The following BTBD9 variants were observed in gnomAD, a reference collection of about 807,000 sequenced individuals.
The protein encoded by BTBD9 is BTB/POZ domain-containing protein 9.
Under a neutral mutation model 64.3 loss-of-function variants are expected in BTBD9, and 49 were observed. That is an observed-to-expected ratio of 0.76 (90% CI 0.61 to 0.97). The LOEUF (loss-of-function observed/expected upper bound fraction) is 0.97, where lower values mean the gene tolerates loss of function less well. BTBD9 is among the 50% of genes least tolerant of loss of function. The pLI, the probability that BTBD9 is intolerant of heterozygous loss-of-function variation, is 0.00. For missense variants in BTBD9, 598 were observed against 762.1 expected, an observed-to-expected ratio of 0.78 and a Z score of 2.53; for synonymous variants, 260 against 274.7, an observed-to-expected ratio of 0.95 and a Z score of 0.53.
chr6:38,188,513 A>G (rs1203610849), intron 10 of BTBD9, among the ~76,000 whole-genome samples: 1 of 152,226 alleles, frequency 6.6e-6, no homozygotes, highest in Admixed American at 6.5e-5. Flanking sequence ...TTTATTGTAC[A>G]CACACAGACA....
At chr6:38,287,187 G>A (rs1451681917) in intron 8 of BTBD9, among the ~76,000 whole-genome samples, 1 of 145,460 alleles carries the variant, frequency 6.9e-6, no homozygotes, top group Non-Finnish European at 1.5e-5. Flanking sequence ...CTACAGTACA[G>A]TAATGTCCTA....
chr6:38,179,630 G>A (rs1319502367), intron 10 of BTBD9: 3 of 456,674 alleles, frequency 6.6e-6, no homozygotes, highest in Non-Finnish European at 4.4e-6. Context: ...GCACCTCTGT[G>A]CAGGGGCCTG....
chr6:38,594,946 G>C (rs910482956), intron 2 of BTBD9, among the ~76,000 whole-genome samples: 3 of 152,136 alleles, frequency 2.0e-5, no homozygotes, highest in African/African-American at 4.8e-5. Flanking sequence ...AAAGAAAAAT[G>C]TGTAAGAAAA....
rs918715056 is a variant in BTBD9 at position 38,506,725 on chromosome 6, C to G, written c.1154+70875G>C. On this transcript the variant is annotated intron_variant, in intron 6 of 10. Transcript: ENST00000481247. ...CTGACCCCTCTGCTTCTGTTCTTGA[C>G]CCACCTCCATTTATAATCTATTCTC... Among the ~76,000 whole-genome samples, 5 of 152,338 alleles carry G rather than the reference C, an allele frequency of 3.3e-5. No homozygotes were observed. In the South Asian group the frequency reaches 8.3e-4, roughly 25 times the overall value.
chr6:38,423,061 T>C (rs1767978198), intron 6 of BTBD9, among the ~76,000 whole-genome samples: 2 of 152,094 alleles, frequency 1.3e-5, no homozygotes, highest in African/African-American at 2.4e-5. Context: ...GGCCAGGAGT[T>C]CGAGATCAGC....
chr6:38,349,506 A>C (rs1764417010), intron 6 of BTBD9, among the ~76,000 whole-genome samples: 1 of 152,162 alleles, frequency 6.6e-6, no homozygotes, highest in African/African-American at 2.4e-5. Context: ...CTGCATTCCC[A>C]TAACTTTTCA....
intron 8 of BTBD9, among the ~76,000 whole-genome samples, chr6:38,257,981 A>AT (rs140800037): frequency 1.5e-3 from 234 of 151,686 alleles, no homozygotes; most frequent in African/African-American, 5.5e-3. Flanking sequence ...TAAAAAAAAA[A>AT]TATATATGTA....
At chr6:38,383,772 T>C (rs1691992903) in intron 6 of BTBD9, among the ~76,000 whole-genome samples, 1 of 152,106 alleles carries the variant, frequency 6.6e-6, no homozygotes, top group Non-Finnish European at 1.5e-5. Context: ...GAGTAATGGG[T>C]CTTCATTTTA....
intron 6 of BTBD9, among the ~76,000 whole-genome samples, chr6:38,416,041 G>C (rs1051529464): frequency 6.6e-6 from 1 of 152,132 alleles, no homozygotes; most frequent in Non-Finnish European, 1.5e-5. Context: ...TACATTGCTA[G>C]AAATGTAAAG....
chr6:38,335,835 G>A (rs1390722230), intron 7 of BTBD9, among the ~76,000 whole-genome samples: 1 of 152,172 alleles, frequency 6.6e-6, no homozygotes, highest in Non-Finnish European at 1.5e-5. Flanking sequence ...CCGGATTCAA[G>A]CGATTCTCCT....
At chr6:38,395,080 G>A (rs1766605717) in intron 6 of BTBD9, among the ~76,000 whole-genome samples, 2 of 152,176 alleles carry the variant, frequency 1.3e-5, no homozygotes, top group Admixed American at 6.5e-5. Flanking sequence ...GGGGCTTTGG[G>A]GAGGTGATTA....
intron 6 of BTBD9, among the ~76,000 whole-genome samples, chr6:38,398,472 A>G (rs1212265304): frequency 6.6e-6 from 1 of 152,154 alleles, no homozygotes; most frequent in Non-Finnish European, 1.5e-5. Context: ...GAGGAAGTAA[A>G]TACCCTCTTG....
chr6:38,284,770 T>C (rs1192066300), intron 8 of BTBD9, among the ~76,000 whole-genome samples: 3 of 152,056 alleles, frequency 2.0e-5, no homozygotes, highest in African/African-American at 4.8e-5. Flanking sequence ...GTTCAGGAGA[T>C]AATGGACGGT....
At chr6:38,365,907 C>A (rs564635326) in intron 6 of BTBD9, among the ~76,000 whole-genome samples, 128 of 152,270 alleles carry the variant, frequency 8.4e-4, no homozygotes, top group African/African-American at 2.8e-3. Context: ...GGAGAGACTG[C>A]TCACAAAGTA....
intron 6 of BTBD9, among the ~76,000 whole-genome samples, chr6:38,440,626 A>G (rs1046298790): frequency 4.6e-5 from 7 of 152,222 alleles, no homozygotes; most frequent in Non-Finnish European, 8.8e-5. Flanking sequence ...TACAATTGTA[A>G]AAAGCAAGCA....
chr6:38,215,848 C>T (rs566469123), intron 9 of BTBD9, among the ~76,000 whole-genome samples: 14 of 152,254 alleles, frequency 9.2e-5, no homozygotes, highest in East Asian at 3.9e-4. Flanking sequence ...CTCCATACTG[C>T]GGAGGCTTTA....
chr6:38,554,111 C>T (rs1179181131), intron 6 of BTBD9, among the ~76,000 whole-genome samples: 4 of 152,084 alleles, frequency 2.6e-5, no homozygotes, highest in Non-Finnish European at 2.9e-5. Context: ...AATCCTCAGA[C>T]AAACATAAAT....
rs1773919927 is a variant in BTBD9 at position 38,534,285 on chromosome 6, C to T, written c.1154+43315G>A. 4.6e-5 allele frequency among the ~76,000 whole-genome samples: 7 copies of T among 151,938 alleles called. No homozygotes were observed. The South Asian group carries it at 1.5e-3, about 32-fold the overall frequency. ...AAAACCTAGAAGAAATGCATCATTC[C>T]CTAGACACATAAAACCTACCAAGAT... On this transcript the variant is annotated intron_variant, in intron 6 of 10. Coordinates refer to ENST00000481247, the MANE Select transcript of BTBD9 (RefSeq NM_001099272.2).
chr6:38,355,995 C>T (rs1764713045), intron 6 of BTBD9, among the ~76,000 whole-genome samples: 1 of 152,146 alleles, frequency 6.6e-6, no homozygotes, highest in Non-Finnish European at 1.5e-5. Context: ...AGATTTCCTT[C>T]AGTACTCTAA....
Sources: gnomAD v4.1 joint callset for allele counts (sites outside exome capture counted in the v4.1 genomes callset) on GRCh38, gnomAD v4.1.1 for gene constraint, MANE v1.5 for transcripts, NCBI Gene and HGNC (gene_info 2026-07-23, HGNC 2026-07-21) for gene names.